The following MYRIP variants were observed in gnomAD, a reference collection of about 807,000 sequenced individuals.
MYRIP encodes the protein rab effector MyRIP.
Under a neutral mutation model 98.0 loss-of-function variants are expected in MYRIP, and 49 were observed. The ratio of observed to expected loss-of-function variants is 0.50; its 90% confidence interval spans 0.40 to 0.63. MYRIP has a LOEUF of 0.63. MYRIP is among the 30% of genes least tolerant of loss of function. The pLI is 0.00. For missense variants in MYRIP, 1,004 were observed against 1,058.2 expected, an observed-to-expected ratio of 0.95 and a Z score of 0.71; for synonymous variants, 404 against 409.5, an observed-to-expected ratio of 0.99 and a Z score of 0.16.
At chr3:39,886,986 T>A (rs1401263026) in intron 1 of MYRIP, among the ~76,000 whole-genome samples, 1 of 151,820 alleles carries the variant, frequency 6.6e-6, no homozygotes, top group Non-Finnish European at 1.5e-5. Context: ...TATAACAAAC[T>A]GTCTCTCAGA....
At chr3:40,142,522 G>T (rs1224831060) in intron 3 of MYRIP, among the ~76,000 whole-genome samples, 1 of 152,066 alleles carries the variant, frequency 6.6e-6, no homozygotes, top group Non-Finnish European at 1.5e-5. Context: ...GAGAGCAGTG[G>T]TGCAATCTTG....
intron 1 of MYRIP, among the ~76,000 whole-genome samples, chr3:39,897,590 G>T (rs75036442): frequency 1.5e-4 from 23 of 152,212 alleles, no homozygotes; most frequent in African/African-American, 5.3e-4. Context: ...TCTCTCCTGG[G>T]ACTGATTGCA....
At position 40,066,947 on chromosome 3, in the gene MYRIP, A is replaced by G. The variant is rs543701947; in HGVS notation, c.332+22676A>G. On this transcript the variant is annotated intron_variant, in intron 3 of 16. Coordinates refer to ENST00000302541, the MANE Select transcript of MYRIP (RefSeq NM_015460.4). ...TTTAAAAGCTGGTATTTCTTCATGT[A>G]GAAGGCAACTTTTATGTCCTTTTTG... Among the ~76,000 whole-genome samples the G allele has an allele frequency of 3.9e-5, 6 of 152,320 alleles. No individual in the cohort carries two copies. In the East Asian group the frequency reaches 5.8e-4, roughly 15 times the overall value.
At chr3:40,130,771 CTT>C (rs1559413245) in intron 3 of MYRIP, among the ~76,000 whole-genome samples, 1 of 152,048 alleles carries the variant, frequency 6.6e-6, no homozygotes, top group African/African-American at 2.4e-5. Flanking sequence ...CCCACCAGGT[CTT>C]ACCACCTGGG....
At chr3:39,953,496 C>T (rs185528271) in intron 2 of MYRIP, among the ~76,000 whole-genome samples, 15 of 152,176 alleles carry the variant, frequency 9.9e-5, no homozygotes, top group African/African-American at 3.1e-4. Flanking sequence ...ATTTTTCTTC[C>T]GTTGCTATTA....
chr3:39,990,878 A>C (rs1433247708), intron 2 of MYRIP, among the ~76,000 whole-genome samples: 5 of 152,206 alleles, frequency 3.3e-5, no homozygotes, highest in Admixed American at 2.0e-4. Context: ...GGAAACCATC[A>C]TTCTCAGCAA....
chr3:40,013,216 C>T (rs565751856), intron 2 of MYRIP, among the ~76,000 whole-genome samples: 11 of 152,300 alleles, frequency 7.2e-5, no homozygotes, highest in African/African-American at 2.6e-4. Context: ...GTTAACAGAG[C>T]GAATCACGTT....
rs543820205 is a variant in MYRIP at position 40,089,042 on chromosome 3, G to A, written c.332+44771G>A. On this transcript the variant is annotated intron_variant, in intron 3 of 16. Transcript: ENST00000302541. ...GAGTGATTGCAGCTTGGGCACCTGC[G>A]TAGATGCTGGTGTCATTCCCAGGGA... 1.7e-4 allele frequency among the ~76,000 whole-genome samples: 26 copies of A among 152,158 alleles called. No homozygotes were observed. The South Asian group carries it at 4.8e-3, about 28-fold the overall frequency.
chr3:40,242,582 T>C (rs532609297), intron 12 of MYRIP: 1 of 152,162 alleles, frequency 6.6e-6, no homozygotes, highest in South Asian at 2.1e-4. Flanking sequence ...CAGGGTGTGA[T>C]GACATTGAGT....
At chr3:40,162,623 C>T in intron 4 of MYRIP, 107 bp from the exon 5 acceptor site, 4 of 920,666 alleles carry the variant, frequency 4.3e-6, no homozygotes, top group South Asian at 3.1e-5. Flanking sequence ...GGCTAACAAC[C>T]CAAGTGTGTA....
chr3:40,013,547 T>C (rs985960725), intron 2 of MYRIP, among the ~76,000 whole-genome samples: 6 of 152,226 alleles, frequency 3.9e-5, no homozygotes, highest in Non-Finnish European at 8.8e-5. Flanking sequence ...ACCTCTGTTG[T>C]TTTCTGTGGC....
At chr3:40,040,212 A>G in intron 2 of MYRIP, among the ~76,000 whole-genome samples, 1 of 152,164 alleles carries the variant, frequency 6.6e-6, no homozygotes, top group Non-Finnish European at 1.5e-5. Context: ...TATGCAGCCA[A>G]AAAACACATG....
intron 2 of MYRIP, among the ~76,000 whole-genome samples, chr3:39,990,211 A>G (rs1348465873): frequency 6.6e-6 from 1 of 152,168 alleles, no homozygotes; most frequent in Non-Finnish European, 1.5e-5. Flanking sequence ...TAGTATGCTC[A>G]TTCACTGACT....
At chr3:39,809,426 C>G (rs541541130), upstream of MYRIP, among the ~76,000 whole-genome samples, 6 of 148,080 alleles carry the variant, frequency 4.1e-5, no homozygotes, top group South Asian at 1.2e-3. Context: ...CCCGCGCGCC[C>G]GAGGTGCTCT....
intron 2 of MYRIP, among the ~76,000 whole-genome samples, chr3:39,990,841 G>T (rs904846224): frequency 5.3e-5 from 8 of 152,194 alleles, no homozygotes; most frequent in Non-Finnish European, 1.0e-4. Context: ...ATGAAAACAT[G>T]TCCTTTGCAG....
chr3:40,060,458 G>A (rs1947983755), intron 3 of MYRIP, among the ~76,000 whole-genome samples: 1 of 152,102 alleles, frequency 6.6e-6, no homozygotes, highest in South Asian at 2.1e-4. Context: ...AAAAAAGGCA[G>A]CATATATTCT....
chr3:39,830,769 C>A (rs1941418831), intron 1 of MYRIP, among the ~76,000 whole-genome samples: 1 of 152,076 alleles, frequency 6.6e-6, no homozygotes, highest in South Asian at 2.1e-4. Context: ...GGAAAAACTC[C>A]CTCTTTAGCT....
intron 3 of MYRIP, among the ~76,000 whole-genome samples, chr3:40,140,505 T>C (rs560909733): frequency 2.3e-4 from 35 of 152,326 alleles, no homozygotes; most frequent in African/African-American, 7.9e-4. Context: ...AATCACATGA[T>C]AGTTCTATTT....
chr3:40,039,525 C>G (rs141886735), intron 2 of MYRIP, among the ~76,000 whole-genome samples: 55 of 152,066 alleles, frequency 3.6e-4, no homozygotes, highest in African/African-American at 1.3e-3. Flanking sequence ...TGGGGGATCT[C>G]AAGCAGATAT....
Sources: allele counts gnomAD v4.1 joint callset (sites outside exome capture counted in the v4.1 genomes callset), GRCh38; gene constraint gnomAD v4.1.1; transcripts MANE v1.5; gene names NCBI Gene and HGNC (gene_info 2026-07-23, HGNC 2026-07-21).